The following FHIT variants were observed in gnomAD, a reference collection of about 807,000 sequenced individuals.
FHIT encodes fragile histidine triad diadenosine triphosphatase, also known as bis(5'-adenosyl)-triphosphatase.
FHIT carries 19 observed loss-of-function variants against 17.9 expected under a neutral mutation model. That is an observed-to-expected ratio of 1.06 (90% confidence interval 0.74 to 1.56). FHIT has a LOEUF of 1.56. Among genes scored for constraint, FHIT ranks in the 40% most tolerant of loss-of-function variants. FHIT has a pLI of 0.00. For missense variants in FHIT, 248 were observed against 189.2 expected, an observed-to-expected ratio of 1.31 and a Z score of -1.82; for synonymous variants, 81 against 69.7, an observed-to-expected ratio of 1.16 and a Z score of -0.81.
chr3:60,237,140 A>T (rs145218400), intron 5 of FHIT, among the ~76,000 whole-genome samples: 2 of 152,298 alleles, frequency 1.3e-5, no homozygotes, highest in African/African-American at 2.4e-5. Context: ...AAAAGCACCA[A>T]GAGTTTTCAA....
intron 5 of FHIT, among the ~76,000 whole-genome samples, chr3:60,440,719 C>A (rs576309262): frequency 6.6e-6 from 1 of 152,046 alleles, no homozygotes; most frequent in South Asian, 2.1e-4. Flanking sequence ...TTTTTTCTTG[C>A]CTGTCTTTCT....
intron 5 of FHIT, among the ~76,000 whole-genome samples, chr3:60,489,133 C>A (rs935914323): frequency 2.0e-5 from 3 of 151,612 alleles, no homozygotes; most frequent in Admixed American, 6.6e-5. Context: ...TATTATCCCC[C>A]TTTAAGCAAA....
intron 7 of FHIT, among the ~76,000 whole-genome samples, chr3:59,980,780 G>C (rs72877030): frequency 0.076 from 11,518 of 152,186 alleles, 491 homozygotes; most frequent in African/African-American, 0.1. Flanking sequence ...CCAGTGTCTT[G>C]ATCTTGAACT....
chr3:60,795,345 G>A (rs1700940937), intron 4 of FHIT, among the ~76,000 whole-genome samples: 2 of 152,020 alleles, frequency 1.3e-5, no homozygotes, highest in South Asian at 2.1e-4. Flanking sequence ...AGATTTTTCC[G>A]ATGTTATTAA....
chr3:60,106,705 G>C (rs545181320), intron 5 of FHIT, among the ~76,000 whole-genome samples: 1 of 152,074 alleles, frequency 6.6e-6, no homozygotes, highest in African/African-American at 2.4e-5. Context: ...CTTCCCAAAG[G>C]GTGCATGTAG....
Position 60,938,038 on chromosome 3 carries a change from C to T in FHIT, c.-111+104009G>A, listed in dbSNP as rs115838392. Among the ~76,000 whole-genome samples the T allele has an allele frequency of 5.6e-3, 859 of 152,228 alleles. 6 individuals are homozygous for T. Among genetic ancestry groups the T allele is most frequent in the African/African-American group, 0.019 (805 of 41,524 alleles). On this transcript the variant is annotated intron_variant, in intron 3 of 9. Coordinates refer to ENST00000492590, the MANE Select transcript of FHIT (RefSeq NM_002012.4). ...GCTCCAAAGCAGAGGGCCCTTTGCACCATAAATCAATGTCATCCACAGAAA... is the reference window on the plus strand; with the variant it reads ...GCTCCAAAGCAGAGGGCCCTTTGCATCATAAATCAATGTCATCCACAGAAA...
At chr3:60,446,382 G>A (rs1307041242) in intron 5 of FHIT, among the ~76,000 whole-genome samples, 2 of 152,122 alleles carry the variant, frequency 1.3e-5, no homozygotes, top group African/African-American at 4.8e-5. Flanking sequence ...AGTCTGAAAT[G>A]GGGCGTTACT....
intron 2 of FHIT, among the ~76,000 whole-genome samples, chr3:61,107,815 A>G (rs2036034893): frequency 6.6e-6 from 1 of 152,240 alleles, no homozygotes; most frequent in Non-Finnish European, 1.5e-5. Context: ...AGTGATGTAC[A>G]GAAAATGGAA....
intron 5 of FHIT, among the ~76,000 whole-genome samples, chr3:60,276,544 G>C (rs191108678): frequency 6.6e-6 from 1 of 152,152 alleles, no homozygotes; most frequent in African/African-American, 2.4e-5. Flanking sequence ...TTTGTGTCAC[G>C]AGCGAACAAG....
intron 3 of FHIT, among the ~76,000 whole-genome samples, chr3:61,009,359 C>T (rs755821851): frequency 6.6e-6 from 1 of 152,140 alleles, no homozygotes; most frequent in Non-Finnish European, 1.5e-5. Context: ...TTCTCTGAAA[C>T]GGTAAAGTGC....
intron 3 of FHIT, among the ~76,000 whole-genome samples, chr3:60,928,882 T>C (rs1268679360): frequency 4.6e-5 from 7 of 152,322 alleles, no homozygotes; most frequent in African/African-American, 1.4e-4. Context: ...AGCATCATCC[T>C]GATACCAAAG....
At chr3:61,140,087 G>C (rs1227100611) in intron 2 of FHIT, among the ~76,000 whole-genome samples, 2 of 151,920 alleles carry the variant, frequency 1.3e-5, no homozygotes, top group Non-Finnish European at 2.9e-5. Context: ...AGCACTTTGG[G>C]GGCAGCCAGC....
At chr3:60,914,298 A>G (rs1553766627) in intron 3 of FHIT, among the ~76,000 whole-genome samples, 2 of 152,210 alleles carry the variant, frequency 1.3e-5, no homozygotes, top group Non-Finnish European at 2.9e-5. Flanking sequence ...TGAAATTTTA[A>G]TAACAATAAA....
intron 5 of FHIT, among the ~76,000 whole-genome samples, chr3:60,493,373 T>C (rs1375475664): frequency 2.0e-5 from 3 of 152,202 alleles, no homozygotes; most frequent in Non-Finnish European, 4.4e-5. Context: ...CATTTTAACC[T>C]TCCTGAATCT....
chr3:60,579,533 A>G (rs1357516419), intron 4 of FHIT, among the ~76,000 whole-genome samples: 1 of 152,172 alleles, frequency 6.6e-6, no homozygotes, highest in African/African-American at 2.4e-5. Flanking sequence ...ACAAACTATA[A>G]TGCTTAACAT....
chr3:60,124,830 C>G (rs143213120), intron 5 of FHIT, among the ~76,000 whole-genome samples: 1 of 152,130 alleles, frequency 6.6e-6, no homozygotes. Context: ...TTTGCTCCCC[C>G]AATTTGTAAA....
chr3:60,642,032 C>T (rs1367259178), intron 4 of FHIT, among the ~76,000 whole-genome samples: 1 of 152,070 alleles, frequency 6.6e-6, no homozygotes, highest in Non-Finnish European at 1.5e-5. Context: ...ATCACTGCTA[C>T]AGCCTTGAAG....
chr3:60,569,482 C>A (rs1445281190), intron 4 of FHIT, among the ~76,000 whole-genome samples: 1 of 151,904 alleles, frequency 6.6e-6, no homozygotes, highest in Non-Finnish European at 1.5e-5. Context: ...ATCACTACTA[C>A]TCCAAGCATA....
intron 5 of FHIT, among the ~76,000 whole-genome samples, chr3:60,282,443 T>A (rs1707505840): frequency 6.6e-6 from 1 of 152,166 alleles, no homozygotes; most frequent in African/African-American, 2.4e-5. Context: ...GGATCCAATA[T>A]AGTTTCTTAG....
Sources: gnomAD v4.1 joint callset for allele counts (sites outside exome capture counted in the v4.1 genomes callset) on GRCh38, gnomAD v4.1.1 for gene constraint, MANE v1.5 for transcripts, NCBI Gene and HGNC (gene_info 2026-07-23, HGNC 2026-07-21) for gene names.